ZNF385D: variants seen among roughly 807,000 people sequenced by gnomAD.
The protein encoded by ZNF385D is zinc finger protein 385D.
A neutral mutation model predicts 35.8 loss-of-function variants in ZNF385D; 15 were observed. The observed-to-expected ratio is 0.42, with a 90% CI of 0.28 to 0.64. The LOEUF (loss-of-function observed/expected upper bound fraction) is 0.64, where lower values mean the gene tolerates loss of function less well. Among genes scored for constraint, ZNF385D ranks in the 30% least tolerant of loss-of-function variants. The pLI, the probability that ZNF385D is intolerant of heterozygous loss-of-function variation, is 0.23. For missense variants in ZNF385D, 474 were observed against 494.6 expected, an observed-to-expected ratio of 0.96 and a Z score of 0.39; for synonymous variants, 212 against 186.8, an observed-to-expected ratio of 1.13 and a Z score of -1.10.
intron 3 of ZNF385D, among the ~76,000 whole-genome samples, chr3:21,929,735 T>G (rs1700909432): frequency 6.6e-6 from 1 of 151,948 alleles, no homozygotes; most frequent in Non-Finnish European, 1.5e-5. Flanking sequence ...CACTGAGGAA[T>G]AACTTTAACA....
At chr3:21,654,199 T>C (rs1382869702) in intron 2 of ZNF385D, among the ~76,000 whole-genome samples, 1 of 152,102 alleles carries the variant, frequency 6.6e-6, no homozygotes, top group Non-Finnish European at 1.5e-5. Context: ...TTAAAATTCT[T>C]TGACAGGTCC....
intron 1 of ZNF385D, among the ~76,000 whole-genome samples, chr3:21,710,318 T>A (rs1337135152): frequency 6.6e-6 from 1 of 152,168 alleles, no homozygotes; most frequent in Non-Finnish European, 1.5e-5. Context: ...GATACTTGCT[T>A]TTTTAGTAAA....
intron 3 of ZNF385D, among the ~76,000 whole-genome samples, chr3:21,854,648 GA>G (rs893463656): frequency 3.3e-5 from 5 of 151,786 alleles, no homozygotes; most frequent in African/African-American, 1.2e-4. Context: ...TTGTTGTTGG[GA>G]TTTATTATTT....
chr3:22,180,914 CTT>C (rs61668943), intron 2 of ZNF385D, among the ~76,000 whole-genome samples: 17 of 112,932 alleles, frequency 1.5e-4, no homozygotes, highest in Non-Finnish European at 1.5e-4. Flanking sequence ...TGCTTTTGTT[CTT>C]TTTTTTTTTT....
Position 21,646,753 on chromosome 3 carries a change from T to G in ZNF385D, c.165+18133A>C, listed in dbSNP as rs1262139946. Among the ~76,000 whole-genome samples, 1 of 152,204 alleles carries G rather than the reference T, an allele frequency of 6.6e-6. No homozygotes were observed. The highest frequency in any genetic ancestry group is 2.4e-5 in the African/African-American group (1 of 41,464). On this transcript the variant is annotated intron_variant, in intron 2 of 7. Transcript: ENST00000281523. The surrounding 1 kb of genome is among the most constrained non-coding windows in gnomAD (Gnocchi z 4.3). Reference sequence around the variant, plus strand: ...AGTTACTTTCCTTCCTTATATCATCTGGGAATGTATTAAACCTGCATTCTG... The same window carrying G: ...AGTTACTTTCCTTCCTTATATCATCGGGGAATGTATTAAACCTGCATTCTG...
chr3:21,616,543 G>C (rs2064852302), intron 2 of ZNF385D, among the ~76,000 whole-genome samples: 1 of 152,070 alleles, frequency 6.6e-6, no homozygotes, highest in Non-Finnish European at 1.5e-5. Flanking sequence ...TTCCTGAAGT[G>C]ACCTCTACAA....
chr3:22,062,422 A>C (rs1328449199), intron 3 of ZNF385D, among the ~76,000 whole-genome samples: 2 of 152,072 alleles, frequency 1.3e-5, no homozygotes, highest in Admixed American at 6.6e-5. Context: ...ACTTTATAAC[A>C]CTTTAAATGA....
rs1182890034 is a variant in ZNF385D, at chr3:21,521,578, C to A, written c.277-10555G>T. 1.0e-4 allele frequency among the ~76,000 whole-genome samples: 15 copies of A among 150,392 alleles called. No individual in the cohort carries two copies. In the East Asian group the frequency reaches 2.7e-3, roughly 27 times the overall value. ...GACCGGCTTGGGCAACAAAGCAAAA[C>A]CCCCAACTCTGCTAAAAAATTTTTT... On this transcript the variant is annotated intron_variant, in intron 3 of 7. Transcript: ENST00000281523.
chr3:21,908,558 T>C (rs1173660360), intron 3 of ZNF385D, among the ~76,000 whole-genome samples: 3 of 151,996 alleles, frequency 2.0e-5, no homozygotes, highest in South Asian at 2.1e-4. Flanking sequence ...AGGGTCAGAG[T>C]AGCAGAAGCA....
At chr3:21,987,280 T>C (rs1203636338) in intron 3 of ZNF385D, among the ~76,000 whole-genome samples, 2 of 139,938 alleles carry the variant, frequency 1.4e-5, no homozygotes, top group Non-Finnish European at 3.0e-5. Context: ...TCTTTACATT[T>C]TGGCATGATT....
At chr3:21,825,894 C>G (rs1251564808) in intron 3 of ZNF385D, among the ~76,000 whole-genome samples, 1 of 152,208 alleles carries the variant, frequency 6.6e-6, no homozygotes, top group Non-Finnish European at 1.5e-5. Flanking sequence ...AGCTCCGCTC[C>G]TTTCCCACCA....
chr3:21,989,143 C>A (rs910792388), intron 3 of ZNF385D, among the ~76,000 whole-genome samples: 1 of 152,108 alleles, frequency 6.6e-6, no homozygotes, highest in African/African-American at 2.4e-5. Context: ...AGCTGTAGAC[C>A]GGAGCTGTTC....
At chr3:21,971,641 T>G (rs1336704907) in intron 3 of ZNF385D, among the ~76,000 whole-genome samples, 1 of 149,942 alleles carries the variant, frequency 6.7e-6, no homozygotes, top group Non-Finnish European at 1.5e-5. Flanking sequence ...GTAAACAGAC[T>G]AAACTCTCAA....
chr3:21,739,693 G>A (rs749407461), intron 1 of ZNF385D, among the ~76,000 whole-genome samples: 1 of 152,166 alleles, frequency 6.6e-6, no homozygotes, highest in Non-Finnish European at 1.5e-5. Flanking sequence ...TGATTTAAAA[G>A]CTGCCCTCCT....
At chr3:22,370,929 A>G (rs1696873807) in intron 2 of ZNF385D, among the ~76,000 whole-genome samples, 1 of 152,182 alleles carries the variant, frequency 6.6e-6, no homozygotes, top group Non-Finnish European at 1.5e-5. Flanking sequence ...CCTAACACAG[A>G]CAACTTCCAG....
chr3:21,945,181 G>T (rs1433605262), intron 3 of ZNF385D, among the ~76,000 whole-genome samples: 1 of 108,246 alleles, frequency 9.2e-6, no homozygotes, highest in African/African-American at 4.0e-5. Flanking sequence ...TATAGTGAGA[G>T]AGAGAGAGAC....
intron 3 of ZNF385D, among the ~76,000 whole-genome samples, chr3:21,831,499 C>T (rs961722531): frequency 1.3e-5 from 2 of 152,114 alleles, no homozygotes; most frequent in South Asian, 2.1e-4. Context: ...AAGCTAGTGG[C>T]GGTGCTCGAA....
At chr3:22,127,766 A>G (rs532308702) in intron 3 of ZNF385D, among the ~76,000 whole-genome samples, 1 of 152,282 alleles carries the variant, frequency 6.6e-6, no homozygotes, top group South Asian at 2.1e-4. Flanking sequence ...CAAGCAAAGG[A>G]AAAACTAAAG....
At chr3:21,873,539 T>C (rs939073796) in intron 3 of ZNF385D, among the ~76,000 whole-genome samples, 2 of 152,150 alleles carry the variant, frequency 1.3e-5, no homozygotes, top group South Asian at 4.1e-4. Context: ...TACAGTATGG[T>C]ATTCTTAACT....
Sources: allele counts gnomAD v4.1 joint callset (sites outside exome capture counted in the v4.1 genomes callset), GRCh38; gene constraint gnomAD v4.1.1; non-coding constraint Gnocchi (gnomAD v3.1); transcripts MANE v1.5; gene names NCBI Gene and HGNC (gene_info 2026-07-23, HGNC 2026-07-21).